PLAU: variants seen among roughly 807,000 people sequenced by gnomAD.
PLAU encodes the protein urokinase-type plasminogen activator.
Under a neutral mutation model 48.9 loss-of-function variants are expected in PLAU, and 32 were observed. That is an observed-to-expected ratio of 0.65 (90% confidence interval 0.49 to 0.88). The LOEUF (loss-of-function observed/expected upper bound fraction) is 0.88. Ranked by LOEUF, PLAU falls within the 40% of genes least tolerant of loss-of-function variation. The pLI, the probability that PLAU is intolerant of heterozygous loss-of-function variation, is 0.00. For synonymous variants in PLAU, 199 were observed against 205.7 expected (o/e 0.97, Z 0.28); for missense variants, 455 against 545.2 (o/e 0.83, Z 1.65).
At chr10:73,909,789 A>T (rs1484212801), upstream of PLAU, among the ~76,000 whole-genome samples, 1 of 152,210 alleles carries the variant, frequency 6.6e-6, no homozygotes, top group African/African-American at 2.4e-5. Context: ...TACTGGGTTC[A>T]AAATGACCCC....
chr10:73,914,975 A>G, intron 9 of PLAU, 59 bp downstream of exon 9: 1 of 1,576,886 alleles, frequency 6.3e-7, no homozygotes, highest in Non-Finnish European at 8.7e-7. Context: ...CCTGAAAATG[A>G]GCCCAGCGTG....
chr10:73,913,865 G>A, intron 7 of PLAU, 107 bp downstream of exon 7: 3 of 1,372,638 alleles, frequency 2.2e-6, no homozygotes, highest in South Asian at 2.6e-5. Flanking sequence ...ATCTGCCCCT[G>A]TCCATGCAGC....
Position 73,913,970 on chromosome 10 carries a change from TCTC to T in PLAU, c.681-8_681-6del, listed in dbSNP as rs1486116087. The T allele has an allele frequency of 6.2e-7, 1 of 1,612,304 alleles. No homozygotes were observed. Among genetic ancestry groups the T allele is most frequent in the African/African-American group, 1.3e-5 (1 of 74,880 alleles). ...GGACTAAGCTGTTTGATGGGTATCT[TCTC>T]CCACAGTGATTACCCAAAGAAGGAG... On this transcript the variant is annotated splice_region_variant and splice_polypyrimidine_tract_variant and intron_variant, in intron 7 of 10. Coordinates refer to ENST00000372764, the MANE Select transcript of PLAU (RefSeq NM_002658.6).
rs183371156 is a variant in PLAU, at chr10:73,914,116, C to T, written c.817C>T (p.His273Tyr). 7.4e-6 allele frequency: 12 copies of T among 1,614,096 alleles called. No individual in the cohort carries two copies. In the East Asian group the frequency reaches 2.7e-4, roughly 36 times the overall value. The change falls in exon 8 of 11, where the codon CAC (histidine) becomes TAC (tyrosine). Residue 273 changes from histidine (H) to tyrosine (Y), a missense_variant. By Grantham distance (83) the His-to-Tyr change is moderately conservative. Transcript: ENST00000372764. ...KDYSADTLAHHNDIALLKIRS... is the reference protein window; with the variant it reads ...KDYSADTLAHYNDIALLKIRS... ...CTACAGCGCTGACACGCTTGCTCAC[C>T]ACAACGACATTGGTGAGGGGGAACC...
rs962488539 is a variant in PLAU, at chr10:73,913,904, G to A, written c.681-76G>A. The A allele has an allele frequency of 8.7e-6, 13 of 1,486,848 alleles. No homozygotes were observed. In the Admixed American group the frequency reaches 2.2e-4, roughly 26 times the overall value. The allele number at this position is 1,486,848 out of a possible 1,614,324, so 92.1% of individuals were successfully genotyped here. On this transcript the variant is annotated intron_variant, in intron 7 of 10. Transcript: ENST00000372764. Reference sequence around the variant, plus strand: ...TGGCCTTGGGGACAAGTCGTGCTTTGAGGCCTCTAGGGAGGGAAGGAAGAA... The same window carrying A: ...TGGCCTTGGGGACAAGTCGTGCTTTAAGGCCTCTAGGGAGGGAAGGAAGAA...
At chr10:73,913,852 C>T in intron 7 of PLAU, 94 bp downstream of exon 7, 2 of 1,371,282 alleles carry the variant, frequency 1.5e-6, no homozygotes, top group African/African-American at 1.4e-5. Flanking sequence ...TCATTTCTCC[C>T]TCATCTGCCC....
chr10:73,910,355 T>C (rs1469171979), upstream of PLAU: 1 of 152,228 alleles, frequency 6.6e-6, no homozygotes. Context: ...AACACTTCAA[T>C]AGGAAGCACC....
chr10:73,909,846 T>A (rs2096120865), upstream of PLAU: 1 of 152,004 alleles, frequency 6.6e-6, no homozygotes, highest in Non-Finnish European at 1.5e-5. Context: ...GGTGACAGAA[T>A]CACAGAATCC....
intron 10 of PLAU, 99 bp from the exon 11 acceptor site, chr10:73,916,290 T>G: frequency 9.2e-7 from 1 of 1,085,650 alleles, no homozygotes; most frequent in Non-Finnish European, 1.4e-6. Flanking sequence ...GGACTTTGAC[T>G]GGGAAACTCT....
At chr10:73,914,255 G>A (rs546745404) in intron 8 of PLAU, 127 bp downstream of exon 8, 12 of 835,034 alleles carry the variant, frequency 1.4e-5, no homozygotes, top group African/African-American at 8.5e-5. Flanking sequence ...TTGAAGCCTC[G>A]ATATACATGA....
Position 73,914,823 on chromosome 10 carries a change from C to G in PLAU, c.877C>G (p.Arg293Gly). Reference sequence around the variant, plus strand: ...GGAGGGCAGGTGTGCGCAGCCATCCCGGACTATACAGACCATCTGCCTGCC... The same window carrying G: ...GGAGGGCAGGTGTGCGCAGCCATCCGGGACTATACAGACCATCTGCCTGCC... Reference protein sequence around the residue: ...SKEGRCAQPSRTIQTICLPSM... With the variant: ...SKEGRCAQPSGTIQTICLPSM... The change falls in exon 9 of 11, where the codon CGG becomes GGG. Residue 293 changes from arginine to glycine, a missense_variant. Transcript: ENST00000372764. 6.2e-7 allele frequency: 1 copy of G among 1,614,080 alleles called. No homozygotes were observed. Among genetic ancestry groups the G allele is most frequent in the Non-Finnish European group, 8.5e-7 (1 of 1,179,942 alleles).
rs572750016 is a variant in PLAU, at chr10:73,911,819, G to A, written c.57+207G>A. The A allele has an allele frequency of 4.5e-6, 7 of 1,551,908 alleles. No homozygotes were observed. In the East Asian group the frequency reaches 1.2e-4, roughly 27 times the overall value. On this transcript the variant is annotated intron_variant, in intron 2 of 10. Transcript: ENST00000372764. Reference sequence around the variant, plus strand: ...TGGCAAGGGAGGAAGAGGCCGCCGGGACTGCCCCAGCCTGCGGGCATCTGG... The same window carrying A: ...TGGCAAGGGAGGAAGAGGCCGCCGGAACTGCCCCAGCCTGCGGGCATCTGG...
chr10:73,914,821 C>A lies in PLAU; in HGVS notation c.875C>A (p.Ser292Tyr). 2 of 1,614,120 alleles carry A rather than the reference C, an allele frequency of 1.2e-6. No individual in the cohort carries two copies. The highest frequency in any genetic ancestry group is 2.2e-5 in the East Asian group (1 of 44,890). The stretch of plus-strand genomic sequence containing the variant: ...AAGGAGGGCAGGTGTGCGCAGCCAT[C>A]CCGGACTATACAGACCATCTGCCTG... ...RSKEGRCAQP[S>Y]RTIQTICLPS... Residue 292 changes from serine (S) to tyrosine (Y), a missense_variant, in exon 9 of 11, where the codon TCC becomes TAC. Ser to Tyr is a moderately radical substitution (Grantham distance 144). Transcript: ENST00000372764.
chr10:73,912,183 C>G (rs780219863), intron 3 of PLAU, 32 bp from the exon 4 acceptor site: 1 of 1,614,126 alleles, frequency 6.2e-7, no homozygotes, highest in Non-Finnish European at 8.5e-7. Flanking sequence ...ACTTCCACTC[C>G]CCCTCGCTTA....
At chr10:73,913,239 G>A in intron 5 of PLAU, 51 bp from the exon 6 acceptor site, 1 of 1,598,532 alleles carries the variant, frequency 6.3e-7, no homozygotes. Context: ...GGAGGAGGCA[G>A]GGAAGGCCCT....
At chr10:73,915,570 C>T (rs1476618134) in intron 10 of PLAU, among the ~76,000 whole-genome samples, 171 bp downstream of exon 10, 1 of 152,080 alleles carries the variant, frequency 6.6e-6, no homozygotes, top group African/African-American at 2.4e-5. Flanking sequence ...CCAGACATTA[C>T]CAAAAAAATC....
intron 8 of PLAU, 49 bp from the exon 9 acceptor site, chr10:73,914,727 C>T (rs377105108): frequency 9.9e-5 from 155 of 1,573,114 alleles, no homozygotes; most frequent in African/African-American, 4.6e-4. Flanking sequence ...AGATGGGGAC[C>T]GCCTAACCAG....
rs538722826 is a variant in PLAU at position 73,914,280 on chromosome 10, G to C, written c.829+152G>C. The C allele has an allele frequency of 9.9e-5, 71 of 713,964 alleles. No individual in the cohort carries two copies. In the African/African-American group the frequency reaches 1.2e-3, roughly 12 times the overall value. The allele number at this position is 713,964 out of a possible 1,614,324, so 44.2% of individuals were successfully genotyped here. A position where few individuals can be genotyped will look rare whatever the true frequency, so the allele number is the denominator to read the frequency against. Reference sequence around the variant, plus strand: ...GATATACATGACAAAGGGAGTGGCAGGGAAGAGTTCCATGAAGTCTGAGGG... The same window carrying C: ...GATATACATGACAAAGGGAGTGGCACGGAAGAGTTCCATGAAGTCTGAGGG... On this transcript the variant is annotated intron_variant, in intron 8 of 10. Coordinates refer to ENST00000372764, the MANE Select transcript of PLAU (RefSeq NM_002658.6).
In PLAU at chr10:73,913,336, C is replaced by G; in HGVS notation, c.415C>G (p.Leu139Val). 7.4e-6 allele frequency: 12 copies of G among 1,614,150 alleles called. No individual in the cohort carries two copies. Among genetic ancestry groups the G allele is most frequent in the Non-Finnish European group, 1.0e-5 (12 of 1,180,016 alleles). ...ACCCTGGTGCTATGTGCAGGTGGGC[C>G]TAAAGCTGCTTGTCCAAGAGTGCAT... ...RRPWCYVQVG[L>V]KLLVQECMVH... The change falls in exon 6 of 11, where the codon CTA becomes GTA. Residue 139 changes from leucine to valine, a missense_variant. By Grantham distance (32) the Leu-to-Val change is conservative. Coordinates refer to ENST00000372764, the MANE Select transcript of PLAU (RefSeq NM_002658.6).
Sources: gnomAD v4.1 joint callset for allele counts (sites outside exome capture counted in the v4.1 genomes callset) on GRCh38, gnomAD v4.1.1 for gene constraint, MANE v1.5 for transcripts, NCBI Gene and HGNC (gene_info 2026-07-23, HGNC 2026-07-21) for gene names.